Variants in ZNF225 observed in about 807,000 individuals in gnomAD.
The protein encoded by ZNF225 is zinc finger protein 225.
ZNF225 carries 6 observed loss-of-function variants against 12.0 expected under a neutral mutation model. That is an observed-to-expected ratio of 0.50 (90% CI 0.27 to 0.98). ZNF225 has a LOEUF of 0.98. Among genes scored for constraint, ZNF225 ranks in the 50% least tolerant of loss-of-function variants. The probability of loss-of-function intolerance (pLI) is 0.11; values close to 1 mark genes in which losing one functional copy is unlikely to be tolerated. For synonymous variants in ZNF225, 271 were observed against 283.2 expected, an observed-to-expected ratio of 0.96 and a Z score of 0.43; for missense variants, 763 against 848.2, an observed-to-expected ratio of 0.90 and a Z score of 1.25.
chr19:44,116,188 C>T (rs1967938932), intron 2 of ZNF225, among the ~76,000 whole-genome samples: 2 of 152,190 alleles, frequency 1.3e-5, no homozygotes, highest in Non-Finnish European at 2.9e-5. Flanking sequence ...CTCATATTCT[C>T]ACAGGTTCTT....
chr19:44,117,415 C>T (rs1408638385), intron 2 of ZNF225, among the ~76,000 whole-genome samples: 1 of 152,102 alleles, frequency 6.6e-6, no homozygotes, highest in Non-Finnish European at 1.5e-5. Context: ...TTACCACAAG[C>T]TTTGTTAGTT....
rs1968327092 is a variant in ZNF225, at chr19:44,133,371, A to G, written c.*636A>G. 6.6e-6 allele frequency: 1 copy of G among 152,216 alleles called. No individual in the cohort carries two copies. The highest frequency in any genetic ancestry group is 2.4e-5 in the African/African-American group (1 of 41,440). 9.4% of individuals were successfully genotyped at this position (152,216 alleles called of 1,614,324 possible). On this transcript the variant is annotated 3_prime_UTR_variant, in exon 5 of 5. Coordinates refer to ENST00000262894, the MANE Select transcript of ZNF225 (RefSeq NM_013362.4). ...CCTTTTCTTTGGATATGTACCAAGT[A>G]TCATATAATAGTATGACATGACTCA...
At chr19:44,126,126 A>C (rs908953095) in intron 4 of ZNF225, among the ~76,000 whole-genome samples, 3 of 152,098 alleles carry the variant, frequency 2.0e-5, no homozygotes, top group African/African-American at 7.2e-5. Flanking sequence ...GTTTTGTCAT[A>C]TTACCAGAGT....
intron 4 of ZNF225, among the ~76,000 whole-genome samples, chr19:44,124,380 C>G (rs186069686): frequency 5.7e-4 from 87 of 152,168 alleles, no homozygotes; most frequent in Admixed American, 1.4e-3. Flanking sequence ...TGAGAGAGTG[C>G]TTGATATAAT....
rs796344569 is a variant in ZNF225 at position 44,118,676 on chromosome 19, CT to C, written c.235+105del. Reference sequence around the variant, plus strand: ...TGTCCTGGTCTAAATGGCCAGACCTCTTTCCTGAATTATTACAGCTGACTTT... The same window carrying C: ...TGTCCTGGTCTAAATGGCCAGACCTCTTCCTGAATTATTACAGCTGACTTT... On this transcript the variant is annotated intron_variant, in intron 4 of 4. Transcript: ENST00000262894. 151 of 1,179,024 alleles carry C rather than the reference CT, an allele frequency of 1.3e-4. 2 individuals are homozygous for C. The South Asian group carries it at 2.1e-3, about 16-fold the overall frequency. 73.0% of individuals were successfully genotyped at this position (1,179,024 alleles called of 1,614,324 possible).
chr19:44,132,925 G>T lies in ZNF225; in HGVS notation c.*190G>T, dbSNP rs1968318508. On this transcript the variant is annotated 3_prime_UTR_variant, in exon 5 of 5. Transcript: ENST00000262894. ...TGTTAATTACTGTCACCCTGTAGTGGTGTAAAACACTAGAACTTATTCCTC... is the reference window on the plus strand; with the variant it reads ...TGTTAATTACTGTCACCCTGTAGTGTTGTAAAACACTAGAACTTATTCCTC... 2.0e-6 allele frequency: 1 copy of T among 512,194 alleles called. No homozygotes were observed. The highest frequency in any genetic ancestry group is 2.9e-5 in the South Asian group (1 of 34,290). 31.7% of individuals were successfully genotyped at this position (512,194 alleles called of 1,614,324 possible).
chr19:44,113,446 G>T lies in ZNF225; in HGVS notation c.-192G>T, dbSNP rs941096598. ...GCTCCGTTACTGTGAGGTTGCTGCAGTTTTGTCCCTGGTAGTTTGGGTCAG... is the reference window on the plus strand; with the variant it reads ...GCTCCGTTACTGTGAGGTTGCTGCATTTTTGTCCCTGGTAGTTTGGGTCAG... On this transcript the variant is annotated 5_prime_UTR_variant, in exon 1 of 5. Transcript: ENST00000262894. 1.3e-5 allele frequency: 2 copies of T among 152,296 alleles called. No homozygotes were observed. Among genetic ancestry groups the T allele is most frequent in the African/African-American group, 4.8e-5 (2 of 41,432 alleles). 9.4% of individuals were successfully genotyped at this position (152,296 alleles called of 1,614,324 possible). A position where few individuals can be genotyped will look rare whatever the true frequency, so the allele number is the denominator to read the frequency against.
chr19:44,122,706 C>G (rs1177148356), intron 4 of ZNF225, among the ~76,000 whole-genome samples: 1 of 152,046 alleles, frequency 6.6e-6, no homozygotes, highest in Non-Finnish European at 1.5e-5. Flanking sequence ...TTGTAGAGGT[C>G]TTTTGACTCC....
rs1424451598 is a variant in ZNF225, at chr19:44,131,389, C to T, written c.775C>T (p.Pro259Ser). 5.0e-6 allele frequency: 8 copies of T among 1,614,030 alleles called. No individual in the cohort carries two copies. Among genetic ancestry groups the T allele is most frequent in the Non-Finnish European group, 6.8e-6 (8 of 1,180,040 alleles). ...TCGTAAATTACACACAGGAGTGAAACCTCATATTTGTGAGAAATGTGGGAA... is the reference window on the plus strand; with the variant it reads ...TCGTAAATTACACACAGGAGTGAAATCTCATATTTGTGAGAAATGTGGGAA... ...VHRKLHTGVK[P>S]HICEKCGKAF... Residue 259 changes from proline to serine, a missense_variant, in exon 5 of 5, where the codon CCT becomes TCT. Pro to Ser is a moderately conservative substitution (Grantham distance 74). Transcript: ENST00000262894.
chr19:44,129,292 A>G, intron 4 of ZNF225: 1 of 395,966 alleles, frequency 2.5e-6, no homozygotes, highest in East Asian at 3.7e-5. Context: ...CTGCATACCA[A>G]TGACAAATTC....
At chr19:44,127,741 G>T (rs546268892) in intron 4 of ZNF225, among the ~76,000 whole-genome samples, 1 of 151,838 alleles carries the variant, frequency 6.6e-6, no homozygotes, top group African/African-American at 2.4e-5. Context: ...TCCGTGTCCC[G>T]GGTTCAAGTG....
upstream of ZNF225, chr19:44,112,810 A>G (rs910574199): frequency 1.3e-5 from 2 of 152,234 alleles, no homozygotes; most frequent in Admixed American, 1.3e-4. Flanking sequence ...ACATTTAGAA[A>G]CCATTTCTTA....
Position 44,114,276 on chromosome 19 carries a change from T to C in ZNF225, c.-69+707T>C, listed in dbSNP as rs555340231. 3 of 708,626 alleles carry C rather than the reference T, an allele frequency of 4.2e-6. No individual in the cohort carries two copies. The Admixed American group carries it at 7.0e-5, about 16-fold the overall frequency. 43.9% of individuals were successfully genotyped at this position (708,626 alleles called of 1,614,324 possible). ...TCACCCCAACCGAGAGTGTATAGGA[T>C]GTGTCTTCGGGCATGGGTGTTGCTT... On this transcript the variant is annotated intron_variant, in intron 1 of 4. Coordinates refer to ENST00000262894, the MANE Select transcript of ZNF225 (RefSeq NM_013362.4).
Position 44,131,961 on chromosome 19 carries a change from C to T in ZNF225, c.1347C>T (p.Val449=), listed in dbSNP as rs759756537. ...TGGATCTTGACTTTCATCAGAGGGT[C>T]CACAGAGGAGAGAAACCCTATAATT... ...RRLDLDFHQR[V]HRGEKPYNCK... Residue 449 remains valine, a synonymous_variant, in exon 5 of 5, where the codon GTC becomes GTT. Transcript: ENST00000262894. 2 of 1,613,390 alleles carry T rather than the reference C, an allele frequency of 1.2e-6. No individual in the cohort carries two copies. Among genetic ancestry groups the T allele is most frequent in the East Asian group, 2.2e-5 (1 of 44,824 alleles).
chr19:44,118,874 T>C (rs1445810496), intron 4 of ZNF225, among the ~76,000 whole-genome samples: 1 of 151,532 alleles, frequency 6.6e-6, no homozygotes, highest in South Asian at 2.1e-4. Flanking sequence ...TGGAGTGCAG[T>C]GGTGCAATCT....
chr19:44,112,867 C>T (rs1316453155), upstream of ZNF225: 2 of 152,234 alleles, frequency 1.3e-5, no homozygotes, highest in East Asian at 3.8e-4. Flanking sequence ...TGTCTTCTCG[C>T]TTGTTCCCTT....
Position 44,118,313 on chromosome 19 carries a change from G to A in ZNF225, c.141G>A (p.Val47=). ...MLENFRNLLS[V]GHQSLHRDTF... is the part of the protein sequence containing the mutation. The stretch of plus-strand genomic sequence containing the variant: ...AGAACTTCAGGAACCTGCTCTCAGT[G>A]GGTGAGGACAGGCACCCTTTGTAAG... Residue 47 remains valine, a splice_region_variant and synonymous_variant, in exon 3 of 5, where the codon GTG becomes GTA. Transcript: ENST00000262894. 1.2e-6 allele frequency: 2 copies of A among 1,612,378 alleles called. No individual in the cohort carries two copies. The highest frequency in any genetic ancestry group is 1.7e-6 in the Non-Finnish European group (2 of 1,179,308).
chr19:44,126,223 ACAGGGTGTT>A (rs1160488725), intron 4 of ZNF225, among the ~76,000 whole-genome samples: 2 of 152,198 alleles, frequency 1.3e-5, no homozygotes, highest in African/African-American at 4.8e-5. Context: ...CTTTTGTCCC[ACAGGGTGTT>A]CCCTTGATGT....
At position 44,118,265 on chromosome 19, in the gene ZNF225, A is replaced by G. The variant is rs1967983429; in HGVS notation, c.93A>G (p.Lys31=). 8 of 1,613,300 alleles carry G rather than the reference A, an allele frequency of 5.0e-6. No individual in the cohort carries two copies. Among genetic ancestry groups the G allele is most frequent in the Non-Finnish European group, 6.8e-6 (8 of 1,179,752 alleles). The change falls in exon 3 of 5, where the codon AAA becomes AAG. Residue 31 remains lysine, a synonymous_variant. Transcript: ENST00000262894. ...ELRLLDLAQR[K]LYREVMLENF... ...GGCTGCTGGACCTTGCCCAGAGGAA[A>G]CTGTACCGAGAAGTGATGCTGGAGA... is the stretch of plus-strand genomic sequence containing the variant.
Sources: allele counts gnomAD v4.1 joint callset (sites outside exome capture counted in the v4.1 genomes callset), GRCh38; gene constraint gnomAD v4.1.1; transcripts MANE v1.5; gene names NCBI Gene and HGNC (gene_info 2026-07-23, HGNC 2026-07-21).